Variants in ALDH1L1 observed in about 807,000 individuals in gnomAD.
The protein encoded by ALDH1L1 is cytosolic 10-formyltetrahydrofolate dehydrogenase.
ALDH1L1 carries 68 observed loss-of-function variants against 101.1 expected under a neutral mutation model. The observed-to-expected ratio is 0.67, with a 90% CI of 0.55 to 0.82. The LOEUF (loss-of-function observed/expected upper bound fraction) is 0.82, where lower values mean the gene tolerates loss of function less well. Among genes scored for constraint, ALDH1L1 ranks in the 40% least tolerant of loss-of-function variants. The pLI, the probability that ALDH1L1 is intolerant of heterozygous loss-of-function variation, is 0.00. For synonymous variants in ALDH1L1, 486 were observed against 470.8 expected, an observed-to-expected ratio of 1.03 and a Z score of -0.42; for missense variants, 1,087 against 1,172.7, an observed-to-expected ratio of 0.93 and a Z score of 1.07.
chr3:126,126,918 T>A (rs565099555), intron 14 of ALDH1L1, among the ~76,000 whole-genome samples: 1 of 152,212 alleles, frequency 6.6e-6, no homozygotes, highest in East Asian at 1.9e-4. Flanking sequence ...AGAGACAGAC[T>A]CACAGTGGGA....
chr3:126,153,796 A>C (rs954771345), intron 6 of ALDH1L1, among the ~76,000 whole-genome samples: 1 of 152,186 alleles, frequency 6.6e-6, no homozygotes, highest in African/African-American at 2.4e-5. Flanking sequence ...AGCTGATGGC[A>C]GGTCTGCCTC....
rs1249800209 is a variant in ALDH1L1 at position 126,157,517 on chromosome 3, C to G, written c.363-9G>C. Reference sequence around the variant, plus strand: ...CTCCGTGAATGAGGGTCCTAGGAAGCAGAAGAGTGAAACCTGGAGTCCACG... The same window carrying G: ...CTCCGTGAATGAGGGTCCTAGGAAGGAGAAGAGTGAAACCTGGAGTCCACG... On this transcript the variant is annotated splice_polypyrimidine_tract_variant and intron_variant, in intron 3 of 22. Transcript: ENST00000393434. 10 of 1,612,036 alleles carry G rather than the reference C, an allele frequency of 6.2e-6. No homozygotes were observed. The highest frequency in any genetic ancestry group is 7.6e-6 in the Non-Finnish European group (9 of 1,178,980).
At chr3:126,107,280 A>G in intron 20 of ALDH1L1, 34 bp from the exon 21 acceptor site, 1 of 1,553,088 alleles carries the variant, frequency 6.4e-7, no homozygotes. Flanking sequence ...TGCACATGGG[A>G]GACACGGTGC....
chr3:126,142,494 AC>A (rs1378171672), intron 9 of ALDH1L1, among the ~76,000 whole-genome samples: 5 of 152,208 alleles, frequency 3.3e-5, no homozygotes, highest in Admixed American at 2.6e-4. Flanking sequence ...AATATTACAT[AC>A]CATGACCAAG....
intron 9 of ALDH1L1, 121 bp from the exon 10 acceptor site, chr3:126,138,081 C>G: frequency 7.8e-7 from 1 of 1,287,608 alleles, no homozygotes. Flanking sequence ...CGAGAGGTAG[C>G]CATGAGCCCA....
At chr3:126,107,051 C>T (rs1027554621) in intron 21 of ALDH1L1, 90 bp downstream of exon 21, 1 of 1,211,190 alleles carries the variant, frequency 8.3e-7, no homozygotes, top group African/African-American at 1.5e-5. Context: ...CTCCTGACTG[C>T]CCGTAGACTA....
chr3:126,180,324 G>T, intron 1 of ALDH1L1, 152 bp downstream of exon 1: 1 of 460,518 alleles, frequency 2.2e-6, no homozygotes, highest in Non-Finnish European at 2.9e-6. Context: ...CGAGCCCGGC[G>T]TCCCAGCGGC....
intron 3 of ALDH1L1, 83 bp from the exon 4 acceptor site, chr3:126,157,591 C>T (rs1401061252): frequency 6.7e-7 from 1 of 1,486,792 alleles, no homozygotes; most frequent in African/African-American, 1.4e-5. Flanking sequence ...GGACCTGCCA[C>T]CCTCCAGGAG....
intron 17 of ALDH1L1, among the ~76,000 whole-genome samples, chr3:126,116,414 C>T (rs1163164854): frequency 6.6e-6 from 1 of 151,946 alleles, no homozygotes; most frequent in African/African-American, 2.4e-5. Context: ...GCATGAACTA[C>T]ATATTGATGG....
Position 126,124,369 on chromosome 3 carries a change from C to A in ALDH1L1, c.1883G>T (p.Gly628Val). 1 of 1,611,292 alleles carries A rather than the reference C, an allele frequency of 6.2e-7. No homozygotes were observed. Among genetic ancestry groups the A allele is most frequent in the Non-Finnish European group, 8.5e-7 (1 of 1,178,832 alleles). ...IPKGVVNVLP[G>V]SGSLVGQRLS... Reference sequence around the variant, plus strand: ...CCCCCGACAATGGCTCTTACCAGATCCTGGGAGGACGTTAACCACACCTTT... The same window carrying A: ...CCCCCGACAATGGCTCTTACCAGATACTGGGAGGACGTTAACCACACCTTT... The change falls in exon 16 of 23, where the codon GGA (glycine) becomes GTA (valine). Residue 628 changes from glycine (G) to valine (V), a missense_variant. Around this residue, in one of 2 missense-constraint regions of ALDH1L1, gnomAD observed 442 missense variants for 535.7 expected, o/e 0.83. Transcript: ENST00000393434.
chr3:126,131,652 T>C (rs2108237623), intron 12 of ALDH1L1, 118 bp from the exon 13 acceptor site: 2 of 1,191,744 alleles, frequency 1.7e-6, no homozygotes, highest in East Asian at 5.2e-5. Flanking sequence ...TCTGCCACTC[T>C]CAGATGTGCG....
At chr3:126,111,102 A>G (rs138125518) in intron 19 of ALDH1L1, among the ~76,000 whole-genome samples, 203 of 152,294 alleles carry the variant, frequency 1.3e-3, no homozygotes, top group African/African-American at 4.6e-3. Flanking sequence ...TGGTCCTGCT[A>G]TTCCTGTGCC....
At chr3:126,163,493 T>C (rs998885489) in intron 1 of ALDH1L1, among the ~76,000 whole-genome samples, 1 of 152,262 alleles carries the variant, frequency 6.6e-6, no homozygotes, top group Non-Finnish European at 1.5e-5. Context: ...ATGGTGATAG[T>C]AGTTCCTGTC....
rs762337301 is a variant in ALDH1L1 at position 126,114,724 on chromosome 3, G to A, written c.1983-68C>T. 13 of 1,447,488 alleles carry A rather than the reference G, an allele frequency of 9.0e-6. No homozygotes were observed. The African/African-American group carries it at 1.5e-4, about 17-fold the overall frequency. 89.7% of individuals were successfully genotyped at this position (1,447,488 alleles called of 1,614,324 possible). ...AGGTAGGGGCATTGGGACCCCAGGTGGCAGGGACCTGGGTAGGCCCAAAGC... is the reference window on the plus strand; with the variant it reads ...AGGTAGGGGCATTGGGACCCCAGGTAGCAGGGACCTGGGTAGGCCCAAAGC... On this transcript the variant is annotated intron_variant, in intron 17 of 22. Transcript: ENST00000393434.
intron 18 of ALDH1L1, 115 bp from the exon 19 acceptor site, chr3:126,112,995 G>A (rs998235913): frequency 1.1e-5 from 9 of 847,636 alleles, no homozygotes; most frequent in African/African-American, 5.0e-5. Flanking sequence ...CATGTGTCCT[G>A]ATCTCCTCCT....
chr3:126,120,092 C>T (rs1290314137), intron 16 of ALDH1L1, among the ~76,000 whole-genome samples: 1 of 152,240 alleles, frequency 6.6e-6, no homozygotes, highest in East Asian at 1.9e-4. Flanking sequence ...ACCAAATGCA[C>T]TGTTACCATA....
chr3:126,185,255 T>C (rs1392627085), upstream of ALDH1L1, among the ~76,000 whole-genome samples: 2 of 152,194 alleles, frequency 1.3e-5, no homozygotes, highest in East Asian at 1.9e-4. Context: ...GTTGCGTGTT[T>C]GCACCCCCAT....
At chr3:126,111,550 C>A (rs1196251256) in intron 19 of ALDH1L1, among the ~76,000 whole-genome samples, 1 of 152,220 alleles carries the variant, frequency 6.6e-6, no homozygotes, top group Non-Finnish European at 1.5e-5. Context: ...TCATTTCCAG[C>A]CACTCCGTGT....
chr3:126,165,350 C>T (rs1271806607), intron 1 of ALDH1L1, among the ~76,000 whole-genome samples: 2 of 152,082 alleles, frequency 1.3e-5, no homozygotes, highest in East Asian at 3.8e-4. Context: ...ATTTTTGTGT[C>T]TATGTTCATC....
Sources: gnomAD v4.1 joint callset for allele counts (sites outside exome capture counted in the v4.1 genomes callset) on GRCh38, gnomAD v4.1.1 for gene constraint, gnomAD v4.1.1 regional missense constraint, MANE v1.5 for transcripts, NCBI Gene and HGNC (gene_info 2026-07-23, HGNC 2026-07-21) for gene names.